The following ADAMTS19 variants were observed in gnomAD, a reference collection of about 807,000 sequenced individuals.
ADAMTS19 encodes ADAM metallopeptidase with thrombospondin type 1 motif 19.
In ADAMTS19, 93 loss-of-function variants were observed where a neutral mutation model predicts 153.3. That is an observed-to-expected ratio of 0.61 (90% CI 0.51 to 0.72). ADAMTS19 has a LOEUF of 0.72. Ranked by LOEUF, ADAMTS19 falls within the 30% of genes least tolerant of loss-of-function variation. The probability of loss-of-function intolerance (pLI) is 0.00; values close to 1 mark genes in which losing one functional copy is unlikely to be tolerated. For missense variants in ADAMTS19, 1,482 were observed against 1,552.1 expected, an observed-to-expected ratio of 0.95 and a Z score of 0.76; for synonymous variants, 600 against 556.6, an observed-to-expected ratio of 1.08 and a Z score of -1.10.
chr5:129,527,927 T>C (rs1752073244), intron 5 of ADAMTS19, 96 bp downstream of exon 5: 2 of 724,876 alleles, frequency 2.8e-6, no homozygotes, highest in Admixed American at 4.6e-5. Flanking sequence ...TGCTTAAAAA[T>C]CCAGAAATAT....
chr5:129,615,033 AAG>A (rs1751440389), intron 8 of ADAMTS19, among the ~76,000 whole-genome samples: 2 of 151,632 alleles, frequency 1.3e-5, no homozygotes, highest in African/African-American at 4.8e-5. Flanking sequence ...AGCAAAATAA[AAG>A]AGGATACAAA....
intron 9 of ADAMTS19, among the ~76,000 whole-genome samples, chr5:129,621,881 T>C (rs1751792292): frequency 6.6e-6 from 1 of 152,182 alleles, no homozygotes; most frequent in Non-Finnish European, 1.5e-5. Context: ...CAAGTTACTC[T>C]CTGACTCTGA....
At chr5:129,642,051 C>A in intron 11 of ADAMTS19, 91 bp downstream of exon 11, 1 of 608,524 alleles carries the variant, frequency 1.6e-6, no homozygotes, top group Non-Finnish European at 2.8e-6. Context: ...TTGTATTCAT[C>A]TTAGCACTGA....
chr5:129,737,002 A>G, intron 22 of ADAMTS19, 65 bp from the exon 23 acceptor site: 1 of 1,400,428 alleles, frequency 7.1e-7, no homozygotes, highest in Non-Finnish European at 9.4e-7. Flanking sequence ...TAAACGCTTG[A>G]AGTTGGTTTT....
At chr5:129,498,943 G>A (rs546209197) in intron 2 of ADAMTS19, among the ~76,000 whole-genome samples, 1 of 151,906 alleles carries the variant, frequency 6.6e-6, no homozygotes, top group East Asian at 1.9e-4. Flanking sequence ...CATGAAGACA[G>A]GGGTCATTCT....
At chr5:129,569,532 A>T (rs1753825736) in intron 7 of ADAMTS19, among the ~76,000 whole-genome samples, 1 of 152,150 alleles carries the variant, frequency 6.6e-6, no homozygotes, top group South Asian at 2.1e-4. Context: ...TTCAAATGAC[A>T]TGGAAATTTT....
chr5:129,639,313 G>A (rs1752689940), intron 10 of ADAMTS19, among the ~76,000 whole-genome samples: 1 of 152,118 alleles, frequency 6.6e-6, no homozygotes, highest in Non-Finnish European at 1.5e-5. Flanking sequence ...TTTTCAAGGT[G>A]AAAACTATCC....
rs548757432 is a variant in ADAMTS19 at position 129,647,882 on chromosome 5, C to T, written c.1990C>T (p.Arg664Cys). 74 of 1,612,584 alleles carry T rather than the reference C, an allele frequency of 4.6e-5. No homozygotes were observed. In the Admixed American group the frequency reaches 5.7e-4, roughly 12 times the overall value. ...CAGTGCTGGGATCAGCAGTCGAGAG[C>T]GCAAATGTCCTGGGTAAACTCAAAG... The part of the protein sequence containing the change: ...TCSAGISSRE[R>C]KCPGLDSEAR... Residue 664 changes from arginine to cysteine, a missense_variant, in exon 12 of 23, where the codon CGC becomes TGC. Coordinates refer to ENST00000274487, the MANE Select transcript of ADAMTS19 (RefSeq NM_133638.6).
chr5:129,676,053 A>T (rs1754536935), intron 16 of ADAMTS19, among the ~76,000 whole-genome samples: 1 of 151,800 alleles, frequency 6.6e-6, no homozygotes, highest in Non-Finnish European at 1.5e-5. Flanking sequence ...TAATAATAAT[A>T]AAAAAAAGCC....
At chr5:129,530,672 C>T (rs563893375) in intron 6 of ADAMTS19, among the ~76,000 whole-genome samples, 4 of 152,106 alleles carry the variant, frequency 2.6e-5, no homozygotes, top group Admixed American at 6.6e-5. Context: ...GGGTATCTAT[C>T]GAAACATATA....
At chr5:129,548,336 A>C (rs1235297690) in intron 6 of ADAMTS19, among the ~76,000 whole-genome samples, 2 of 149,270 alleles carry the variant, frequency 1.3e-5, no homozygotes, top group African/African-American at 5.1e-5. Flanking sequence ...CAAAAAAAAA[A>C]ACAAACAACC....
intron 20 of ADAMTS19, among the ~76,000 whole-genome samples, chr5:129,702,777 A>G: frequency 6.6e-6 from 1 of 151,728 alleles, no homozygotes; most frequent in South Asian, 2.1e-4. Context: ...ACTCTTCGGG[A>G]GAAAATTGGT....
chr5:129,487,348 A>C (rs1475955949), intron 2 of ADAMTS19, among the ~76,000 whole-genome samples: 1 of 152,140 alleles, frequency 6.6e-6, no homozygotes, highest in Admixed American at 6.5e-5. Flanking sequence ...TCGACAATAA[A>C]TTTAAAACTC....
intron 6 of ADAMTS19, among the ~76,000 whole-genome samples, chr5:129,549,780 A>G (rs1752998211): frequency 6.7e-6 from 1 of 149,546 alleles, no homozygotes; most frequent in Admixed American, 6.7e-5. Context: ...ATTTACCAAC[A>G]CACACACACA....
intron 16 of ADAMTS19, among the ~76,000 whole-genome samples, chr5:129,676,052 T>TA (rs983907378): frequency 4.6e-5 from 7 of 151,634 alleles, no homozygotes; most frequent in Non-Finnish European, 7.4e-5. Flanking sequence ...ATAATAATAA[T>TA]AAAAAAAAGC....
chr5:129,623,401 G>A (rs1751876480), intron 10 of ADAMTS19, among the ~76,000 whole-genome samples: 1 of 151,976 alleles, frequency 6.6e-6, no homozygotes, highest in Non-Finnish European at 1.5e-5. Flanking sequence ...TTGTACTTCA[G>A]GAATAAACTG....
chr5:129,644,038 T>A (rs1365063439), intron 11 of ADAMTS19, among the ~76,000 whole-genome samples: 4 of 152,168 alleles, frequency 2.6e-5, no homozygotes, highest in Non-Finnish European at 4.4e-5. Context: ...ACCTTCAATA[T>A]TTTTCTGCTA....
intron 6 of ADAMTS19, among the ~76,000 whole-genome samples, chr5:129,551,063 A>G (rs775439722): frequency 2.0e-5 from 3 of 151,724 alleles, no homozygotes; most frequent in Non-Finnish European, 4.4e-5. Flanking sequence ...ATTTAAATTG[A>G]ACAATAAACC....
intron 7 of ADAMTS19, among the ~76,000 whole-genome samples, chr5:129,565,577 G>A (rs567726420): frequency 2.0e-5 from 3 of 152,228 alleles, no homozygotes; most frequent in East Asian, 1.9e-4. Context: ...CTAGATGCTA[G>A]AAATAGAGTG....
Sources: gnomAD v4.1 joint callset for allele counts (sites outside exome capture counted in the v4.1 genomes callset) on GRCh38, gnomAD v4.1.1 for gene constraint, MANE v1.5 for transcripts, NCBI Gene and HGNC (gene_info 2026-07-23, HGNC 2026-07-21) for gene names.